The following EFCAB6 variants were observed in gnomAD, a reference collection of about 807,000 sequenced individuals.
The protein encoded by EFCAB6 is EF-hand calcium-binding domain-containing protein 6.
A neutral mutation model predicts 169.8 loss-of-function variants in EFCAB6; 156 were observed. That is an observed-to-expected ratio of 0.92 (90% confidence interval 0.81 to 1.05). The LOEUF is 1.05. Ranked by LOEUF, EFCAB6 falls within the 50% of genes least tolerant of loss-of-function variation. EFCAB6 has a pLI of 0.00. For missense variants in EFCAB6, 1,800 were observed against 1,829.1 expected (o/e 0.98, Z 0.29); for synonymous variants, 698 against 676.4 (o/e 1.03, Z -0.50).
At chr22:43,600,747 T>C (rs573248268) in intron 22 of EFCAB6, among the ~76,000 whole-genome samples, 7 of 152,174 alleles carry the variant, frequency 4.6e-5, no homozygotes, top group African/African-American at 1.7e-4. Context: ...CACTACAACC[T>C]CTGTCTCCAA....
At chr22:43,755,876 A>G (rs2060941110) in intron 5 of EFCAB6, 44 bp from the exon 6 acceptor site, 2 of 1,502,746 alleles carry the variant, frequency 1.3e-6, no homozygotes, top group Non-Finnish European at 1.8e-6. Context: ...TTTTAACCAA[A>G]TAAATGTTTA....
intron 8 of EFCAB6, among the ~76,000 whole-genome samples, chr22:43,723,932 G>C (rs2059628374): frequency 6.6e-6 from 1 of 152,202 alleles, no homozygotes; most frequent in South Asian, 2.1e-4. Context: ...CCTTCCTATG[G>C]CTTTGGGTCT....
At chr22:43,636,895 G>A (rs115389048) in intron 17 of EFCAB6, among the ~76,000 whole-genome samples, 46 of 152,136 alleles carry the variant, frequency 3.0e-4, no homozygotes, top group Middle Eastern at 6.8e-3. Context: ...GAGCCACCAC[G>A]CCCGTCCTCA....
At chr22:43,778,912 CAAGTG>C (rs1439422856) in intron 3 of EFCAB6, among the ~76,000 whole-genome samples, 1 of 151,138 alleles carries the variant, frequency 6.6e-6, no homozygotes, top group Non-Finnish European at 1.5e-5. Flanking sequence ...AATTGCAAGA[CAAGTG>C]AAGAAGAAAA....
intron 19 of EFCAB6, among the ~76,000 whole-genome samples, chr22:43,630,208 A>G (rs866552886): frequency 6.6e-6 from 1 of 152,168 alleles, no homozygotes; most frequent in South Asian, 2.1e-4. Flanking sequence ...CACTTTGCGT[A>G]TACCTGCAAG....
In EFCAB6 at chr22:43,530,946, T is replaced by C. The variant is rs568096824; in HGVS notation, c.4252A>G (p.Thr1418Ala). ...AGCAGAGCAGAGTAAAAAGATGGCGTCTCCGCGCCGGCTTCTTTCTAGACA... is the reference window on the plus strand; with the variant it reads ...AGCAGAGCAGAGTAAAAAGATGGCGCCTCCGCGCCGGCTTCTTTCTAGACA... ...AHKMKEAGAE[T>A]PSFYSALLRI... The change falls in exon 31 of 32, where the codon ACG becomes GCG. Residue 1418 changes from threonine to alanine, a missense_variant. Physicochemically the swap from Thr to Ala is moderately conservative, Grantham distance 58. Transcript: ENST00000262726. The C allele has an allele frequency of 5.0e-6, 8 of 1,614,106 alleles. No homozygotes were observed. Among genetic ancestry groups the C allele is most frequent in the African/African-American group, 1.3e-5 (1 of 75,040 alleles).
Position 43,573,328 on chromosome 22 carries a change from C to T in EFCAB6, c.3420+2969G>A, listed in dbSNP as rs1177263774. ...TATGGGCATATGTTACACTTTGATA[C>T]AAATGAAAAATGTTTGTTAAAAAAA... On this transcript the variant is annotated intron_variant, in intron 26 of 31. Coordinates refer to ENST00000262726, the MANE Select transcript of EFCAB6 (RefSeq NM_022785.4). Among the ~76,000 whole-genome samples the T allele has an allele frequency of 3.3e-5, 5 of 151,956 alleles. No homozygotes were observed. In the South Asian group the frequency reaches 8.3e-4, roughly 25 times the overall value.
At chr22:43,591,867 A>G (rs539612790) in intron 23 of EFCAB6, among the ~76,000 whole-genome samples, 6 of 152,202 alleles carry the variant, frequency 3.9e-5, no homozygotes, top group Non-Finnish European at 5.9e-5. Context: ...AGAAGAAACA[A>G]TCTTGCACTT....
intron 5 of EFCAB6, among the ~76,000 whole-genome samples, chr22:43,758,002 CAG>C (rs2061020257): frequency 6.6e-6 from 1 of 152,182 alleles, no homozygotes; most frequent in Non-Finnish European, 1.5e-5. Context: ...GTTATCTAGA[CAG>C]ACAATCTTTG....
At chr22:43,556,787 T>C (rs147190585) in intron 26 of EFCAB6, among the ~76,000 whole-genome samples, 65 of 152,358 alleles carry the variant, frequency 4.3e-4, no homozygotes, top group Admixed American at 1.0e-3. Flanking sequence ...TCCTCCACCA[T>C]GCAAAGGCTA....
chr22:43,804,547 C>T (rs534194030), intron 2 of EFCAB6, among the ~76,000 whole-genome samples: 182 of 152,106 alleles, frequency 1.2e-3, no homozygotes, highest in Middle Eastern at 3.4e-3. Flanking sequence ...TTGCTTGAGG[C>T]CAGGAGTTCA....
chr22:43,550,240 G>GAGA (rs2048304776), intron 27 of EFCAB6, among the ~76,000 whole-genome samples: 4 of 152,142 alleles, frequency 2.6e-5, no homozygotes, highest in Non-Finnish European at 1.5e-5. Flanking sequence ...GAGAGGCTGG[G>GAGA]CACCTCCTCC....
At chr22:43,769,377 G>A (rs1341549811) in intron 4 of EFCAB6, among the ~76,000 whole-genome samples, 1 of 152,144 alleles carries the variant, frequency 6.6e-6, no homozygotes, top group Admixed American at 6.5e-5. Flanking sequence ...GTTTCTTTTT[G>A]GAATGATGAA....
chr22:43,659,278 G>C (rs758671268), intron 17 of EFCAB6, among the ~76,000 whole-genome samples: 2 of 152,140 alleles, frequency 1.3e-5, no homozygotes, highest in Non-Finnish European at 2.9e-5. Context: ...TAGAATATCT[G>C]TTTCCTTTAC....
At chr22:43,720,736 A>AG (rs1158223589) in intron 8 of EFCAB6, among the ~76,000 whole-genome samples, 4 of 152,070 alleles carry the variant, frequency 2.6e-5, no homozygotes, top group Non-Finnish European at 4.4e-5. Flanking sequence ...GAGAGGGGGA[A>AG]AAAAGATCCT....
At chr22:43,692,802 A>C (rs1344289409) in intron 10 of EFCAB6, among the ~76,000 whole-genome samples, 6 of 152,108 alleles carry the variant, frequency 3.9e-5, no homozygotes, top group Non-Finnish European at 8.8e-5. Flanking sequence ...GAGGAGAGAG[A>C]ATGGGACAGA....
At position 43,543,122 on chromosome 22, in the gene EFCAB6, G is replaced by C. The variant is rs192346352; in HGVS notation, c.3649-2765C>G. 5.2e-4 allele frequency among the ~76,000 whole-genome samples: 79 copies of C among 152,322 alleles called. 1 individual carries two copies. In the East Asian group the frequency reaches 0.013, roughly 26 times the overall value. On this transcript the variant is annotated intron_variant, in intron 27 of 31. Transcript: ENST00000262726. ...GCCCATGAGCGCGGGGTCACAGGGA[G>C]CCAAGGGGAGGGACGGAATTACACA...
chr22:43,743,747 C>T (rs2060454532), intron 6 of EFCAB6, among the ~76,000 whole-genome samples: 1 of 152,222 alleles, frequency 6.6e-6, no homozygotes, highest in African/African-American at 2.4e-5. Context: ...TCACCCCTCA[C>T]CCTCCACAGC....
intron 2 of EFCAB6, among the ~76,000 whole-genome samples, chr22:43,803,650 C>T (rs1007776524): frequency 4.6e-5 from 7 of 151,898 alleles, no homozygotes; most frequent in African/African-American, 1.7e-4. Flanking sequence ...GCACACCATG[C>T]CAGAGCTCAC....
Sources: gnomAD v4.1 joint callset for allele counts (sites outside exome capture counted in the v4.1 genomes callset) on GRCh38, gnomAD v4.1.1 for gene constraint, MANE v1.5 for transcripts, NCBI Gene and HGNC (gene_info 2026-07-23, HGNC 2026-07-21) for gene names.